NR6A1: variants seen among roughly 807,000 people sequenced by gnomAD.
The protein encoded by NR6A1 is retinoic acid receptor-related testis-associated receptor.
NR6A1 carries 7 observed loss-of-function variants against 59.1 expected under a neutral mutation model. That is an observed-to-expected ratio of 0.12 (90% confidence interval 0.07 to 0.22). The LOEUF (loss-of-function observed/expected upper bound fraction) is 0.22, where lower values mean the gene tolerates loss of function less well. Among genes scored for constraint, NR6A1 ranks in the 10% least tolerant of loss-of-function variants. The pLI is 1.00. For missense variants in NR6A1, 468 were observed against 611.6 expected (o/e 0.77, Z 2.48); for synonymous variants, 243 against 236.1 (o/e 1.03, Z -0.27).
intron 1 of NR6A1, among the ~76,000 whole-genome samples, chr9:124,749,404 C>G (rs1174661025): frequency 6.6e-6 from 1 of 152,092 alleles, no homozygotes; most frequent in Non-Finnish European, 1.5e-5. Context: ...CCATTCTGCA[C>G]ACACTTAGGG....
In NR6A1 at chr9:124,554,513, G is replaced by C; in HGVS notation, c.200C>G (p.Ala67Gly). The C allele has an allele frequency of 6.2e-7, 1 of 1,614,216 alleles. No homozygotes were observed. Among genetic ancestry groups the C allele is most frequent in the South Asian group, 1.1e-5 (1 of 91,084 alleles). ...QRTCLICGDR[A>G]TGLHYGIISC... ...GATGATCCCATAGTGCAAGCCTGTA[G>C]CGCGGTCCCCACAAATGAGACAGGT... The change falls in exon 3 of 10, where the codon GCT (alanine) becomes GGT (glycine). Residue 67 changes from alanine to glycine, a missense_variant. Ala to Gly is a moderately conservative substitution (Grantham distance 60, BLOSUM62 0). Coordinates refer to ENST00000487099, the MANE Select transcript of NR6A1 (RefSeq NM_033334.4).
At chr9:124,619,928 G>A (rs1057351984) in intron 2 of NR6A1, among the ~76,000 whole-genome samples, 11 of 152,126 alleles carry the variant, frequency 7.2e-5, no homozygotes, top group Non-Finnish European at 1.3e-4. Context: ...AAGCATGGTG[G>A]TGCATGCCTG....
intron 2 of NR6A1, chr9:124,693,943 C>A: frequency 3.3e-6 from 1 of 299,946 alleles, no homozygotes; most frequent in African/African-American, 2.2e-5. Flanking sequence ...TCTCTAAATT[C>A]CTAGTACTTT....
rs1371240219 is a variant in NR6A1, at chr9:124,731,286, CT to C, written c.142+2021del. Among the ~76,000 whole-genome samples, 4 of 151,790 alleles carry C rather than the reference CT, an allele frequency of 2.6e-5. No individual in the cohort carries two copies. The East Asian group carries it at 7.8e-4, about 29-fold the overall frequency. ...TCCGGAGGCTGATGCAGAAGAATCACTTGAACCCGGGAGTCAGAGGTTGCAG... is the reference window on the plus strand; with the variant it reads ...TCCGGAGGCTGATGCAGAAGAATCACTGAACCCGGGAGTCAGAGGTTGCAG... On this transcript the variant is annotated intron_variant, in intron 2 of 9. Transcript: ENST00000487099.
intron 2 of NR6A1, among the ~76,000 whole-genome samples, chr9:124,715,981 T>C (rs982862875): frequency 6.6e-6 from 1 of 152,148 alleles, no homozygotes; most frequent in Non-Finnish European, 1.5e-5. Context: ...GGCAGGAGGA[T>C]TACTTGAGGC....
intron 2 of NR6A1, among the ~76,000 whole-genome samples, chr9:124,590,688 T>C (rs912627285): frequency 1.3e-5 from 2 of 151,990 alleles, no homozygotes; most frequent in African/African-American, 4.8e-5. Flanking sequence ...GGCAGAGAGG[T>C]TGACAACTCC....
chr9:124,705,448 T>A (rs1342306670), intron 2 of NR6A1, among the ~76,000 whole-genome samples: 2 of 152,208 alleles, frequency 1.3e-5, no homozygotes, highest in African/African-American at 4.8e-5. Context: ...TATGTCCCTG[T>A]CTCTAGTAAT....
chr9:124,522,690 G>A lies in NR6A1; in HGVS notation c.*15C>T, dbSNP rs1433855462. 2 of 1,558,598 alleles carry A rather than the reference G, an allele frequency of 1.3e-6. No individual in the cohort carries two copies. Among genetic ancestry groups the A allele is most frequent in the Middle Eastern group, 2.1e-4 (1 of 4,842 alleles). On this transcript the variant is annotated 3_prime_UTR_variant, in exon 10 of 10. Transcript: ENST00000487099. ...AAGACGCTGTGGTTGGCCTGAGGAG[G>A]GCGCCTGGAACAGGTCATTCCTTGC...
At chr9:124,666,620 T>C (rs1837629590) in intron 2 of NR6A1, among the ~76,000 whole-genome samples, 1 of 152,220 alleles carries the variant, frequency 6.6e-6, no homozygotes, top group African/African-American at 2.4e-5. Flanking sequence ...GTCAGGCTCA[T>C]TTCTCTGTAT....
chr9:124,716,740 T>C (rs563789968), intron 2 of NR6A1, among the ~76,000 whole-genome samples: 2 of 152,348 alleles, frequency 1.3e-5, no homozygotes, highest in African/African-American at 4.8e-5. Context: ...CAAGCAATTC[T>C]TGTGCCACAG....
At chr9:124,732,006 C>T (rs2131126026) in intron 2 of NR6A1, among the ~76,000 whole-genome samples, 1 of 152,304 alleles carries the variant, frequency 6.6e-6, no homozygotes, top group East Asian at 1.9e-4. Context: ...TAATACAAAA[C>T]TGATTCTGAA....
rs1046506572 is a variant in NR6A1 at position 124,586,049 on chromosome 9, T to C, written c.143-31479A>G. On this transcript the variant is annotated intron_variant, in intron 2 of 9. Transcript: ENST00000487099. ...GCTCTGATGGAGATGTACAAGCAGA[T>C]GAATGTTGTTTTCATGTCTGCTAAC... Among the ~76,000 whole-genome samples the C allele has an allele frequency of 7.2e-5, 11 of 152,256 alleles. No individual in the cohort carries two copies. The South Asian group carries it at 1.4e-3, about 20-fold the overall frequency.
chr9:124,587,786 C>CT (rs1834977901), intron 2 of NR6A1, among the ~76,000 whole-genome samples: 2 of 152,210 alleles, frequency 1.3e-5, no homozygotes, highest in Non-Finnish European at 2.9e-5. Flanking sequence ...AATGAGCACT[C>CT]TTTTACACAT....
intron 2 of NR6A1, among the ~76,000 whole-genome samples, chr9:124,580,376 G>A (rs961093302): frequency 1.7e-4 from 26 of 152,100 alleles, no homozygotes; most frequent in African/African-American, 6.3e-4. Flanking sequence ...GCTGCTGTGG[G>A]TTAGCAGTCA....
chr9:124,730,758 C>A (rs549462803), intron 2 of NR6A1, among the ~76,000 whole-genome samples: 1 of 152,030 alleles, frequency 6.6e-6, no homozygotes, highest in African/African-American at 2.4e-5. Flanking sequence ...TATCAAGGAC[C>A]TTTCTCAGAA....
intron 2 of NR6A1, among the ~76,000 whole-genome samples, chr9:124,630,755 C>G (rs1415083054): frequency 6.8e-6 from 1 of 147,066 alleles, no homozygotes; most frequent in Non-Finnish European, 1.5e-5. Context: ...CTCAGCTCAC[C>G]GCAACCTCTG....
At chr9:124,724,029 C>T (rs576974752) in intron 2 of NR6A1, among the ~76,000 whole-genome samples, 3 of 152,274 alleles carry the variant, frequency 2.0e-5, no homozygotes, top group South Asian at 2.1e-4. Context: ...AATCTAAATG[C>T]TCAACAATAG....
intron 1 of NR6A1, among the ~76,000 whole-genome samples, chr9:124,742,901 G>T (rs1840216648): frequency 6.6e-6 from 1 of 152,122 alleles, no homozygotes; most frequent in African/African-American, 2.4e-5. Context: ...ATTAAAAATA[G>T]AAATAAAAGA....
Position 124,723,522 on chromosome 9 carries a change from C to G in NR6A1, c.142+9786G>C, listed in dbSNP as rs946762141. Among the ~76,000 whole-genome samples, 8 of 152,286 alleles carry G rather than the reference C, an allele frequency of 5.3e-5. No homozygotes were observed. In the East Asian group the frequency reaches 1.5e-3, roughly 29 times the overall value. On this transcript the variant is annotated intron_variant, in intron 2 of 9. Coordinates refer to ENST00000487099, the MANE Select transcript of NR6A1 (RefSeq NM_033334.4). ...GTCATACACTCTGAACACGCCCAAT[C>G]TCATCTGAACTATTTACTTGAAGCA...
Sources: gnomAD v4.1 joint callset for allele counts (sites outside exome capture counted in the v4.1 genomes callset) on GRCh38, gnomAD v4.1.1 for gene constraint, MANE v1.5 for transcripts, NCBI Gene and HGNC (gene_info 2026-07-23, HGNC 2026-07-21) for gene names.